The following MAN2A2 variants were observed in gnomAD, a reference collection of about 807,000 sequenced individuals.
MAN2A2 encodes mannosidase alpha class 2A member 2, also known as alpha-mannosidase 2x.
In MAN2A2, 79 loss-of-function variants were observed where a neutral mutation model predicts 126.8. That is an observed-to-expected ratio of 0.62 (90% CI 0.52 to 0.75). MAN2A2 has a LOEUF of 0.75. Ranked by LOEUF, MAN2A2 falls within the 30% of genes least tolerant of loss-of-function variation. The pLI is 0.00. For missense variants in MAN2A2, 1,392 were observed against 1,522.4 expected (o/e 0.91, Z 1.43); for synonymous variants, 671 against 618.7 (o/e 1.08, Z -1.25).
rs756137283 is a variant in MAN2A2, at chr15:90,906,811, C to T, written c.907C>T (p.Arg303Cys). The change falls in exon 7 of 23, where the codon CGT becomes TGT. Residue 303 changes from arginine to cysteine, a missense_variant. Coordinates refer to ENST00000559717, the MANE Select transcript of MAN2A2 (RefSeq NM_006122.4). ...YSSTMPYLLRRANLTSMLIQR... is the reference protein window; with the variant it reads ...YSSTMPYLLRCANLTSMLIQR... ...CTCCACCATGCCTTACCTGCTGCGC[C>T]GTGCCAACCTCACCAGCATGCTGAT... 6.2e-6 allele frequency: 10 copies of T among 1,613,914 alleles called. No individual in the cohort carries two copies. Among genetic ancestry groups the T allele is most frequent in the African/African-American group, 1.3e-5 (1 of 74,916 alleles).
intron 22 of MAN2A2, among the ~76,000 whole-genome samples, chr15:90,919,192 G>C (rs571119168): frequency 1.3e-5 from 2 of 152,180 alleles, no homozygotes; most frequent in African/African-American, 4.8e-5. Flanking sequence ...CTGTAGGCAG[G>C]CTTTAGGGTT....
intron 20 of MAN2A2, chr15:90,916,694 C>A (rs761999668): frequency 7.8e-6 from 10 of 1,285,158 alleles, no homozygotes; most frequent in South Asian, 7.4e-5. Context: ...GGAACTAGTA[C>A]GAGCAAGGTG....
At position 90,905,269 on chromosome 15, in the gene MAN2A2, C is replaced by A. The variant is rs2034174678; in HGVS notation, c.151C>A (p.Gln51Lys). Residue 51 changes from glutamine (Q) to lysine (K), a missense_variant, in exon 3 of 23, where the codon CAG becomes AAG. Gln to Lys is a moderately conservative substitution (Grantham distance 53). Coordinates refer to ENST00000559717, the MANE Select transcript of MAN2A2 (RefSeq NM_006122.4). ...NFPRSQISVL[Q>K]NRIEQLEQLL... ...TTGGCAGAGCCAAATTTCTGTGCTG[C>A]AGAACCGCATTGAGCAGCTGGAGCA... 6.2e-7 allele frequency: 1 copy of A among 1,612,928 alleles called. No individual in the cohort carries two copies. The highest frequency in any genetic ancestry group is 8.5e-7 in the Non-Finnish European group (1 of 1,180,014).
chr15:90,910,561 C>T lies in MAN2A2; in HGVS notation c.1638C>T (p.Gly546=). 1 of 1,614,112 alleles carries T rather than the reference C, an allele frequency of 6.2e-7. No individual in the cohort carries two copies. The highest frequency in any genetic ancestry group is 1.3e-5 in the African/African-American group (1 of 75,038). ...ACGCTCGCCGCTCTGGTCTGGCTGG[C>T]CGGTACCCACTGTCTGATTTCACCC... ...AAHARRSGLA[G]RYPLSDFTLL... is the part of the protein sequence containing the mutation. Residue 546 remains glycine, a synonymous_variant, in exon 11 of 23, where the codon GGC becomes GGT. Transcript: ENST00000559717.
At chr15:90,908,653 G>A (rs756300088) in intron 8 of MAN2A2, among the ~76,000 whole-genome samples, 121 of 150,532 alleles carry the variant, frequency 8.0e-4, no homozygotes, top group Non-Finnish European at 1.2e-3. Context: ...TCGGCTCACC[G>A]CAACCTCCGC....
At chr15:90,916,774 C>A in intron 20 of MAN2A2, 4 of 777,410 alleles carry the variant, frequency 5.1e-6, no homozygotes, top group Non-Finnish European at 7.6e-6. Context: ...ATATTGAGCA[C>A]CTGCTTTACT....
intron 20 of MAN2A2, 62 bp downstream of exon 20, chr15:90,916,318 G>C (rs1286643842): frequency 2.5e-6 from 4 of 1,578,510 alleles, no homozygotes; most frequent in Non-Finnish European, 3.4e-6. Context: ...GTGGCCGGGG[G>C]GTCCAGCCTA....
rs771860667 is a variant in MAN2A2, at chr15:90,916,216, G to A, written c.2954G>A (p.Arg985His). The change falls in exon 20 of 23, where the codon CGT (arginine) becomes CAT (histidine). Residue 985 changes from arginine to histidine, a missense_variant. By Grantham distance (29) the Arg-to-His change is conservative. Transcript: ENST00000559717. ...AAGGACAACAAGAGAACCTGCAACC[G>A]TTTCCGCCTCCTGCTAGAGCGGCGA... is the stretch of plus-strand genomic sequence containing the variant. ...GLKDNKRTCN[R>H]FRLLLERRTV... 21 of 1,614,022 alleles carry A rather than the reference G, an allele frequency of 1.3e-5. No homozygotes were observed. Among genetic ancestry groups the A allele is most frequent in the African/African-American group, 8.0e-5 (6 of 74,948 alleles).
At chr15:90,910,802 C>T (rs201678725) in intron 11 of MAN2A2, 45 bp from the exon 12 acceptor site, 57 of 1,602,038 alleles carry the variant, frequency 3.6e-5, no homozygotes. Context: ...CAGACAGCTT[C>T]CCTATGGTCA....
At chr15:90,911,302 C>T in intron 13 of MAN2A2, 64 bp downstream of exon 13, 1 of 1,612,988 alleles carries the variant, frequency 6.2e-7, no homozygotes, top group Non-Finnish European at 8.5e-7. Flanking sequence ...GCCCCTCTGC[C>T]CCAGCATGTG....
intron 8 of MAN2A2, 51 bp downstream of exon 8, chr15:90,907,546 C>G: frequency 6.4e-7 from 1 of 1,558,118 alleles, no homozygotes; most frequent in South Asian, 1.1e-5. Context: ...AGGCCTGGCT[C>G]TGGTCTGGGC....
chr15:90,906,110 G>A (rs990168829), intron 5 of MAN2A2, 94 bp downstream of exon 5: 7 of 1,538,682 alleles, frequency 4.5e-6, no homozygotes, highest in Non-Finnish European at 5.3e-6. Context: ...CAAGGTGGCA[G>A]GGAGAGGCCC....
Position 90,912,291 on chromosome 15 carries a change from G to T in MAN2A2, c.2346+12G>T. ...CTGGGCTCCTCAAGGTAAAAGGCCAGGGTGGTGGGGAAGGGCCAGGGGCCA... is the reference window on the plus strand; with the variant it reads ...CTGGGCTCCTCAAGGTAAAAGGCCATGGTGGTGGGGAAGGGCCAGGGGCCA... On this transcript the variant is annotated intron_variant, in intron 15 of 22. Coordinates refer to ENST00000559717, the MANE Select transcript of MAN2A2 (RefSeq NM_006122.4). The T allele has an allele frequency of 6.2e-7, 1 of 1,613,788 alleles. No individual in the cohort carries two copies. The highest frequency in any genetic ancestry group is 1.1e-5 in the South Asian group (1 of 91,082).
Position 90,910,221 on chromosome 15 carries a change from T to G in MAN2A2, c.1506T>G (p.His502Gln), listed in dbSNP as rs2034614252. 6.2e-7 allele frequency: 1 copy of G among 1,614,056 alleles called. No homozygotes were observed. ...DFFSYADREDHYWTGYYTSRP... is the reference protein window; with the variant it reads ...DFFSYADREDQYWTGYYTSRP... ...TCTCCTATGCGGACCGGGAGGATCA[T>G]TACTGGACAGGCTATTACACTTCCC... The change falls in exon 10 of 23, where the codon CAT becomes CAG. Residue 502 changes from histidine to glutamine, a missense_variant. His to Gln is a conservative substitution (Grantham distance 24, BLOSUM62 0). Transcript: ENST00000559717.
At chr15:90,911,341 T>C (rs1266495) in intron 13 of MAN2A2, 44 bp from the exon 14 acceptor site, 113,746 of 1,613,114 alleles carry the variant, frequency 0.071, 16,065 homozygotes, top group African/African-American at 0.43. Context: ...CTTGCCCTGG[T>C]CGGAAGCAGC....
intron 18 of MAN2A2, 91 bp from the exon 19 acceptor site, chr15:90,913,523 C>T (rs2034933471): frequency 7.0e-6 from 11 of 1,562,594 alleles, no homozygotes; most frequent in East Asian, 2.3e-5. Context: ...GAATGAGAGG[C>T]GAAGAGTTAT....
intron 9 of MAN2A2, among the ~76,000 whole-genome samples, chr15:90,909,854 C>T (rs1165339797): frequency 3.9e-5 from 6 of 152,330 alleles, no homozygotes; most frequent in African/African-American, 1.2e-4. Context: ...CCACTCGCCT[C>T]GGCCTCCCAA....
chr15:90,916,622 G>A, intron 20 of MAN2A2: 1 of 1,309,256 alleles, frequency 7.6e-7, no homozygotes, highest in East Asian at 5.1e-5. Flanking sequence ...CATGTTTAGG[G>A]GCTTGATCTT....
chr15:90,913,145 T>C, intron 17 of MAN2A2, 128 bp from the exon 18 acceptor site: 1 of 1,291,004 alleles, frequency 7.7e-7, no homozygotes. Context: ...CATCCAGAAA[T>C]GCCCTGGGGA....
Sources: allele counts gnomAD v4.1 joint callset (sites outside exome capture counted in the v4.1 genomes callset), GRCh38; gene constraint gnomAD v4.1.1; transcripts MANE v1.5; gene names NCBI Gene and HGNC (gene_info 2026-07-23, HGNC 2026-07-21).